The following PDE1C variants were observed in gnomAD, a reference collection of about 807,000 sequenced individuals.
PDE1C encodes the protein dual specificity calcium/calmodulin-dependent 3',5'-cyclic nucleotide phosphodiesterase 1C.
A neutral mutation model predicts 93.1 loss-of-function variants in PDE1C; 62 were observed. The observed-to-expected ratio is 0.67, with a 90% confidence interval of 0.54 to 0.82. The LOEUF is 0.82. PDE1C is among the 40% of genes least tolerant of loss of function. The pLI, the probability that PDE1C is intolerant of heterozygous loss-of-function variation, is 0.00. For synonymous variants in PDE1C, 325 were observed against 310.1 expected, an observed-to-expected ratio of 1.05 and a Z score of -0.50; for missense variants, 742 against 884.6, an observed-to-expected ratio of 0.84 and a Z score of 2.04.
At chr7:31,717,601 G>T in the PDE1C span, among the ~76,000 whole-genome samples, 1 of 152,158 alleles carries the variant, frequency 6.6e-6, no homozygotes, top group African/African-American at 2.4e-5. Flanking sequence ...AACCAATCAG[G>T]CTAGAGGACA....
chr7:31,694,160 A>G, the PDE1C span, among the ~76,000 whole-genome samples: 3 of 152,222 alleles, frequency 2.0e-5, no homozygotes, highest in Non-Finnish European at 4.4e-5. Context: ...TCTTTTAAAT[A>G]TGTTACTTAA....
At chr7:31,689,469 CT>C in the PDE1C span, among the ~76,000 whole-genome samples, 1 of 152,112 alleles carries the variant, frequency 6.6e-6, no homozygotes, top group Admixed American at 6.5e-5. Flanking sequence ...TGCAGCATCC[CT>C]TTATGACACC....
chr7:31,891,678 A>T (rs1043271792), intron 2 of PDE1C, among the ~76,000 whole-genome samples: 7 of 152,196 alleles, frequency 4.6e-5, no homozygotes, highest in Admixed American at 4.6e-4. Context: ...AAGGGAGAGG[A>T]AGAGGGAGAC....
At chr7:31,949,944 C>T (rs1807135717) in intron 2 of PDE1C, among the ~76,000 whole-genome samples, 2 of 152,182 alleles carry the variant, frequency 1.3e-5, no homozygotes, top group Middle Eastern at 3.4e-3. Flanking sequence ...TTCTTATTTT[C>T]CTGCTTCTTC....
At chr7:31,958,153 G>A (rs1249436929) in intron 2 of PDE1C, among the ~76,000 whole-genome samples, 1 of 152,150 alleles carries the variant, frequency 6.6e-6, no homozygotes, top group East Asian at 1.9e-4. Flanking sequence ...ATTCATGCTA[G>A]TGCCAAGTTA....
chr7:31,643,823 A>T, the PDE1C span: 1 of 1,613,928 alleles, frequency 6.2e-7, no homozygotes, highest in Non-Finnish European at 8.5e-7. Context: ...TGCCACGGGG[A>T]GAGGCAAAGC....
intron 2 of PDE1C, among the ~76,000 whole-genome samples, chr7:32,045,708 G>A (rs1163042538): frequency 6.6e-6 from 1 of 152,184 alleles, no homozygotes; most frequent in African/African-American, 2.4e-5. Flanking sequence ...CAAAGGTGCT[G>A]AAAGAACTTC....
At chr7:32,086,877 G>A (rs1378407259) in intron 3 of PDE1C, among the ~76,000 whole-genome samples, 1 of 151,642 alleles carries the variant, frequency 6.6e-6, no homozygotes, top group African/African-American at 2.4e-5. Flanking sequence ...AGACTTACAT[G>A]TTAGACCTAA....
At chr7:31,725,567 A>C in the PDE1C span, among the ~76,000 whole-genome samples, 1 of 152,164 alleles carries the variant, frequency 6.6e-6, no homozygotes, top group Admixed American at 6.5e-5. Flanking sequence ...TTTGGTTCTA[A>C]GGACTGTCCA....
chr7:32,121,247 A>G (rs946786233), intron 3 of PDE1C, among the ~76,000 whole-genome samples: 1 of 152,234 alleles, frequency 6.6e-6, no homozygotes, highest in Admixed American at 6.5e-5. Flanking sequence ...GACCAAACTT[A>G]CAATTGATTG....
intron 7 of PDE1C, among the ~76,000 whole-genome samples, chr7:31,859,171 G>A (rs1254058826): frequency 6.7e-6 from 1 of 148,784 alleles, no homozygotes. Flanking sequence ...TATTGACTAT[G>A]TACATTTATG....
intron 1 of PDE1C, among the ~76,000 whole-genome samples, chr7:32,223,431 G>A (rs1231421920): frequency 6.6e-6 from 1 of 152,154 alleles, no homozygotes; most frequent in Non-Finnish European, 1.5e-5. Flanking sequence ...GACCCACCAA[G>A]GCCATATAGC....
At chr7:32,296,506 G>C (rs973591652) in intron 1 of PDE1C, among the ~76,000 whole-genome samples, 3 of 152,220 alleles carry the variant, frequency 2.0e-5, no homozygotes, top group Non-Finnish European at 4.4e-5. Flanking sequence ...AGAAAGAAGT[G>C]AATGAATAAA....
chr7:32,020,444 A>G (rs1563204804), intron 2 of PDE1C, among the ~76,000 whole-genome samples: 1 of 151,960 alleles, frequency 6.6e-6, no homozygotes, highest in Admixed American at 6.6e-5. Context: ...TTCTAAATTT[A>G]TTTTTTTCTG....
rs143082045 is a variant in PDE1C, at chr7:31,870,771, C to T, written c.609+2521G>A. Among the ~76,000 whole-genome samples the T allele has an allele frequency of 1.0e-2, 1,515 of 151,964 alleles. 14 individuals are homozygous for T. Among genetic ancestry groups the T allele is most frequent in the Non-Finnish European group, 0.018 (1,195 of 67,850 alleles). ...ACTAATTTTACATTGCCAGCATTTC[C>T]CTGATACCAAAACTGGACAAGGATG... On this transcript the variant is annotated intron_variant, in intron 6 of 17. Coordinates refer to ENST00000396191, the MANE Select transcript of PDE1C (RefSeq NM_001191057.4).
chr7:32,252,418 G>T (rs1481248406), intron 1 of PDE1C, among the ~76,000 whole-genome samples: 7 of 152,214 alleles, frequency 4.6e-5, no homozygotes, highest in Admixed American at 4.6e-4. Flanking sequence ...ATATTATGAA[G>T]GAGAAGAACC....
At chr7:32,211,710 C>T (rs186329265) in intron 1 of PDE1C, among the ~76,000 whole-genome samples, 3,191 of 151,892 alleles carry the variant, frequency 0.021, 122 homozygotes, top group African/African-American at 0.073. Context: ...ATTTAGACAC[C>T]GCAAATGTCT....
chr7:32,298,982 C>A (rs1812803716), exon 1 of PDE1C: 3 of 1,281,622 alleles, frequency 2.3e-6, no homozygotes, highest in Non-Finnish European at 2.9e-6. Context: ...ATCTCCAAGC[C>A]GAGTTCCAGA....
intron 1 of PDE1C, among the ~76,000 whole-genome samples, chr7:32,242,732 G>C (rs1383475904): frequency 6.6e-6 from 1 of 152,168 alleles, no homozygotes; most frequent in Non-Finnish European, 1.5e-5. Context: ...CATGAGAAGG[G>C]AGAAGTTCAT....
Sources: allele counts gnomAD v4.1 joint callset (sites outside exome capture counted in the v4.1 genomes callset), GRCh38; gene constraint gnomAD v4.1.1; transcripts MANE v1.5; gene names NCBI Gene and HGNC (gene_info 2026-07-23, HGNC 2026-07-21).